The following EFEMP1 variants were observed in gnomAD, a reference collection of about 807,000 sequenced individuals.
The protein encoded by EFEMP1 is EGF-containing fibulin-like extracellular matrix protein 1.
In EFEMP1, 18 loss-of-function variants were observed where a neutral mutation model predicts 65.7. The ratio of observed to expected loss-of-function variants is 0.27; its 90% CI spans 0.19 to 0.41. EFEMP1 has a LOEUF of 0.41. Ranked by LOEUF, EFEMP1 falls within the 10% of genes least tolerant of loss-of-function variation. The pLI is 1.00. For synonymous variants in EFEMP1, 237 were observed against 219.7 expected (o/e 1.08, Z -0.70); for missense variants, 469 against 624.8 (o/e 0.75, Z 2.66).
chr2:55,894,851 A>C (rs1669754605), intron 5 of EFEMP1, among the ~76,000 whole-genome samples: 1 of 152,352 alleles, frequency 6.6e-6, no homozygotes, highest in South Asian at 2.1e-4. Flanking sequence ...CACCATGCTT[A>C]TGGTAATAGG....
At chr2:55,891,126 T>C in intron 5 of EFEMP1, among the ~76,000 whole-genome samples, 1 of 152,068 alleles carries the variant, frequency 6.6e-6, no homozygotes, top group Non-Finnish European at 1.5e-5. Context: ...CTTGACCATG[T>C]ATTTCCAAAA....
At chr2:55,890,784 A>T (rs991656194) in intron 5 of EFEMP1, among the ~76,000 whole-genome samples, 5 of 152,074 alleles carry the variant, frequency 3.3e-5, no homozygotes, top group Admixed American at 1.3e-4. Flanking sequence ...TTATGGAAAA[A>T]AATGCCAGCC....
At chr2:55,918,340 A>G in intron 3 of EFEMP1, 73 bp from the exon 4 acceptor site, 1 of 1,540,128 alleles carries the variant, frequency 6.5e-7, no homozygotes, top group Non-Finnish European at 9.0e-7. Context: ...AAATCACTCT[A>G]AAAGCTTCAT....
At chr2:55,918,193 C>T in intron 4 of EFEMP1, 26 bp downstream of exon 4, 1 of 1,614,122 alleles carries the variant, frequency 6.2e-7, no homozygotes, top group Non-Finnish European at 8.5e-7. Context: ...GCAATGATCA[C>T]ATGGAAGTCT....
At chr2:55,906,972 C>T (rs1238999136) in intron 5 of EFEMP1, among the ~76,000 whole-genome samples, 1 of 152,220 alleles carries the variant, frequency 6.6e-6, no homozygotes, top group Non-Finnish European at 1.5e-5. Context: ...AGAGGTTATA[C>T]CTCAGCACCT....
chr2:55,874,914 T>C, intron 9 of EFEMP1, 32 bp downstream of exon 9: 4 of 1,576,866 alleles, frequency 2.5e-6, no homozygotes, highest in Non-Finnish European at 3.5e-6. Context: ...TAAAACTAAA[T>C]ACCTAACATA....
At chr2:55,888,096 A>G (rs1369988015) in intron 5 of EFEMP1, among the ~76,000 whole-genome samples, 2 of 152,174 alleles carry the variant, frequency 1.3e-5, no homozygotes, top group Non-Finnish European at 2.9e-5. Flanking sequence ...TCTGTACTAC[A>G]CATAAACCAG....
rs1668873795 is a variant in EFEMP1, at chr2:55,873,004, A to C, written c.1001-1881T>G. Reference sequence around the variant, plus strand: ...AGATTTTTCAGAAATTAATACTCTCAAAATATTTGATGAGTGTGTGTCTAT... The same window carrying C: ...AGATTTTTCAGAAATTAATACTCTCCAAATATTTGATGAGTGTGTGTCTAT... On this transcript the variant is annotated intron_variant, in intron 9 of 11. Coordinates refer to ENST00000355426, the MANE Select transcript of EFEMP1 (RefSeq NM_001039348.3). The surrounding 1 kb of genome is among the most constrained non-coding windows in gnomAD (Gnocchi z 4.6). 6.6e-6 allele frequency among the ~76,000 whole-genome samples: 1 copy of C among 151,482 alleles called. No homozygotes were observed. The highest frequency in any genetic ancestry group is 1.5e-5 in the Non-Finnish European group (1 of 67,826).
In EFEMP1 at chr2:55,917,149, T is replaced by G. The variant is rs1056439441; in HGVS notation, c.517+516A>C. Among the ~76,000 whole-genome samples the G allele has an allele frequency of 6.6e-6, 1 of 152,148 alleles. No homozygotes were observed. Among genetic ancestry groups the G allele is most frequent in the African/African-American group, 2.4e-5 (1 of 41,432 alleles). On this transcript the variant is annotated intron_variant, in intron 5 of 11. Coordinates refer to ENST00000355426, the MANE Select transcript of EFEMP1 (RefSeq NM_001039348.3). The surrounding 1 kb of genome is among the most constrained non-coding windows in gnomAD (Gnocchi z 6.3). Reference sequence around the variant, plus strand: ...AAACTTGAGAAACCAAAGGGGTACATCTGTAGAGTAGCTTGACAGCATAAT... The same window carrying G: ...AAACTTGAGAAACCAAAGGGGTACAGCTGTAGAGTAGCTTGACAGCATAAT...
Position 55,866,918 on chromosome 2 carries a change from G to A in EFEMP1, c.*155C>T. 1.1e-6 allele frequency: 1 copy of A among 924,060 alleles called. No homozygotes were observed. The highest frequency in any genetic ancestry group is 1.6e-6 in the Non-Finnish European group (1 of 614,398). 57.2% of individuals were successfully genotyped at this position (924,060 alleles called of 1,614,324 possible). ...AACTTTGAATCTTTACATATTAAAT[G>A]CCCACTTTATACCATGGTGTAATTG... On this transcript the variant is annotated 3_prime_UTR_variant, in exon 12 of 12. Transcript: ENST00000355426.
chr2:55,921,140 T>C lies in EFEMP1; in HGVS notation c.81+1220A>G, dbSNP rs1289525054. On this transcript the variant is annotated intron_variant, in intron 3 of 11. Coordinates refer to ENST00000355426, the MANE Select transcript of EFEMP1 (RefSeq NM_001039348.3). The surrounding 1 kb of genome is among the most constrained non-coding windows in gnomAD (Gnocchi z 4.1). ...AGTGGGTAGTGAATTTAATTTTAGC[T>C]CCCTGAGAAGGCAGTAAGTTTAGTC... Among the ~76,000 whole-genome samples, 1 of 152,214 alleles carries C rather than the reference T, an allele frequency of 6.6e-6. No homozygotes were observed. Among genetic ancestry groups the C allele is most frequent in the East Asian group, 1.9e-4 (1 of 5,200 alleles).
intron 5 of EFEMP1, among the ~76,000 whole-genome samples, chr2:55,902,224 T>C (rs1670064803): frequency 6.6e-6 from 1 of 152,246 alleles, no homozygotes; most frequent in Non-Finnish European, 1.5e-5. Context: ...ATGGTTCATA[T>C]GTGATGGAAA....
rs763891398 is a variant in EFEMP1, at chr2:55,918,236, A to T, written c.113T>A (p.Val38Glu). Residue 38 changes from valine to glutamate, a missense_variant, in exon 4 of 12, where the codon GTG becomes GAG. By Grantham distance (121) the Val-to-Glu change is moderately radical. Around this residue, in one of 3 missense-constraint regions of EFEMP1, gnomAD observed 66 missense variants for 73.0 expected, o/e 0.90. Coordinates refer to ENST00000355426, the MANE Select transcript of EFEMP1 (RefSeq NM_001039348.3). ...QCTDGYEWDP[V>E]RQQCKDIDEC... ...TGGCTCACCTTTGCATTGCTGTCTC[A>T]CAGGATCCCACTCATATCCGTCAGT... The T allele has an allele frequency of 1.2e-6, 2 of 1,614,210 alleles. No homozygotes were observed. Among genetic ancestry groups the T allele is most frequent in the South Asian group, 2.2e-5 (2 of 91,088 alleles).
chr2:55,877,827 T>C lies in EFEMP1; in HGVS notation c.679A>G (p.Arg227Gly). 1 of 1,613,284 alleles carries C rather than the reference T, an allele frequency of 6.2e-7. No individual in the cohort carries two copies. Among genetic ancestry groups the C allele is most frequent in the Non-Finnish European group, 8.5e-7 (1 of 1,179,358 alleles). Residue 227 changes from arginine (R) to glycine (G), a missense_variant, in exon 7 of 12, where the codon AGA becomes GGA. Coordinates refer to ENST00000355426, the MANE Select transcript of EFEMP1 (RefSeq NM_001039348.3). The surrounding 1 kb of genome is among the most constrained non-coding windows in gnomAD (Gnocchi z 4.5). ...ECTIPPYCHQ[R>G]CVNTPGSFYC... ...AATGAGCCTGGTGTATTCACGCATCTTTGGTGGCAATATGGAGGGATGGTA... is the reference window on the plus strand; with the variant it reads ...AATGAGCCTGGTGTATTCACGCATCCTTGGTGGCAATATGGAGGGATGGTA...
chr2:55,873,297 G>T lies in EFEMP1; in HGVS notation c.1000+1649C>A, dbSNP rs1668894079. On this transcript the variant is annotated intron_variant, in intron 9 of 11. Coordinates refer to ENST00000355426, the MANE Select transcript of EFEMP1 (RefSeq NM_001039348.3). The surrounding 1 kb of genome is among the most constrained non-coding windows in gnomAD (Gnocchi z 4.6). ...ATGCTAAGTCTTTTTCACAAAAAAT[G>T]TTTTGGCTTAACCAAACATTCTGAA... is the stretch of plus-strand genomic sequence containing the variant. 6.6e-6 allele frequency among the ~76,000 whole-genome samples: 1 copy of T among 152,032 alleles called. No homozygotes were observed. The highest frequency in any genetic ancestry group is 2.4e-5 in the African/African-American group (1 of 41,418).
Position 55,923,292 on chromosome 2 carries a change from C to T in EFEMP1, c.-48-353G>A, listed in dbSNP as rs893900591. Among the ~76,000 whole-genome samples, 2 of 152,160 alleles carry T rather than the reference C, an allele frequency of 1.3e-5. No homozygotes were observed. Among genetic ancestry groups the T allele is most frequent in the Non-Finnish European group, 2.9e-5 (2 of 68,028 alleles). On this transcript the variant is annotated intron_variant, in intron 1 of 11. Coordinates refer to ENST00000355426, the MANE Select transcript of EFEMP1 (RefSeq NM_001039348.3). The surrounding 1 kb of genome is among the most constrained non-coding windows in gnomAD (Gnocchi z 5.3). ...AAGGTACCAGTTTCGGGCGGGCGGCCTGGCCCGGCAGGGAGATGAGGTCCC... is the reference window on the plus strand; with the variant it reads ...AAGGTACCAGTTTCGGGCGGGCGGCTTGGCCCGGCAGGGAGATGAGGTCCC...
At position 55,917,538 on chromosome 2, in the gene EFEMP1, T is replaced by G; in HGVS notation, c.517+127A>C. On this transcript the variant is annotated intron_variant, in intron 5 of 11. Transcript: ENST00000355426. The surrounding 1 kb of genome is among the most constrained non-coding windows in gnomAD (Gnocchi z 6.3). ...TTAGGAATATTGTGATGATTAAATA[T>G]AATGCAGACAAAGCACTTAGCATGA... 1 of 1,192,492 alleles carries G rather than the reference T, an allele frequency of 8.4e-7. No individual in the cohort carries two copies. The highest frequency in any genetic ancestry group is 1.3e-6 in the Non-Finnish European group (1 of 799,078). 73.9% of individuals were successfully genotyped at this position (1,192,492 alleles called of 1,614,324 possible). A position where few individuals can be genotyped will look rare whatever the true frequency, so the allele number is the denominator to read the frequency against.
At chr2:55,875,372 ATTT>A (rs140924184) in intron 8 of EFEMP1, among the ~76,000 whole-genome samples, 2 of 148,900 alleles carry the variant, frequency 1.3e-5, no homozygotes, top group Non-Finnish European at 3.0e-5. Context: ...ACACATATAT[ATTT>A]TTTTTGTTCT....
At chr2:55,882,164 T>C (rs1237509279) in intron 5 of EFEMP1, among the ~76,000 whole-genome samples, 1 of 152,222 alleles carries the variant, frequency 6.6e-6, no homozygotes, top group Non-Finnish European at 1.5e-5. Flanking sequence ...TAATAGATTG[T>C]ATGATACTTG....
Sources: gnomAD v4.1 joint callset for allele counts (sites outside exome capture counted in the v4.1 genomes callset) on GRCh38, gnomAD v4.1.1 for gene constraint, gnomAD v4.1.1 regional missense constraint, Gnocchi (gnomAD v3.1) non-coding constraint, MANE v1.5 for transcripts, NCBI Gene and HGNC (gene_info 2026-07-23, HGNC 2026-07-21) for gene names.